SPTB: variants seen among roughly 807,000 people sequenced by gnomAD.
SPTB encodes the protein spectrin beta chain, erythrocytic.
Under a neutral mutation model 256.2 loss-of-function variants are expected in SPTB, and 45 were observed. The ratio of observed to expected loss-of-function variants is 0.18; its 90% confidence interval spans 0.14 to 0.23. The LOEUF (loss-of-function observed/expected upper bound fraction) is 0.23, where lower values mean the gene tolerates loss of function less well. Among genes scored for constraint, SPTB ranks in the 10% least tolerant of loss-of-function variants. SPTB has a pLI of 1.00. For synonymous variants in SPTB, 1,231 were observed against 1,243.1 expected, an observed-to-expected ratio of 0.99 and a Z score of 0.21; for missense variants, 2,715 against 3,040.4, an observed-to-expected ratio of 0.89 and a Z score of 2.52.
Position 64,825,019 on chromosome 14 carries a change from C to T in SPTB, c.-51-1874G>A, listed in dbSNP as rs147057052. 3.9e-5 allele frequency among the ~76,000 whole-genome samples: 6 copies of T among 152,206 alleles called. No individual in the cohort carries two copies. The highest frequency in any genetic ancestry group is 2.0e-4 in the Admixed American group (3 of 15,292). On this transcript the variant is annotated intron_variant, in intron 1 of 35. Transcript: ENST00000644917. The surrounding 1 kb of genome is among the most constrained non-coding windows in gnomAD (Gnocchi z 4.8). ...GCTGGGACCAAAGGCCAAACTGGAG[C>T]GCAGTTTATCCCCCTTGACCAGACG...
At chr14:64,799,115 ATGTT>A (rs1204827158) in intron 9 of SPTB, among the ~76,000 whole-genome samples, 16 of 151,702 alleles carry the variant, frequency 1.1e-4, no homozygotes, top group African/African-American at 1.7e-4. Flanking sequence ...TTGTGTGTGT[ATGTT>A]TGTGTGTGCA....
At chr14:64,788,103 A>G (rs760316528) in intron 15 of SPTB, among the ~76,000 whole-genome samples, 4 of 152,230 alleles carry the variant, frequency 2.6e-5, no homozygotes, top group Non-Finnish European at 5.9e-5. Flanking sequence ...ATAAAGTTTC[A>G]TGTGCACAGC....
In SPTB at chr14:64,772,844, G is replaced by A. The variant is rs575441619; in HGVS notation, c.5289C>T (p.Ser1763=). ...FIERLIDAGH[S]EAATIAEWKD... is the part of the protein sequence containing the mutation. ...TCCACTCGGCGATGGTGGCCGCCTC[G>A]CTGTGGCCCGCGTCGATGAGTCGCT... Residue 1763 remains serine, a synonymous_variant, in exon 26 of 36, where the codon AGC becomes AGT. Coordinates refer to ENST00000644917, the MANE Select transcript of SPTB (RefSeq NM_001355436.2). This position sits in a 1 kb window ranked among gnomAD's most constrained non-coding sequence, Gnocchi z 5.4. The A allele has an allele frequency of 6.4e-5, 104 of 1,613,502 alleles. No individual in the cohort carries two copies. The highest frequency in any genetic ancestry group is 2.2e-4 in the South Asian group (20 of 91,076).
chr14:64,862,599 C>T (rs563100391), intron 1 of SPTB, among the ~76,000 whole-genome samples: 4 of 152,070 alleles, frequency 2.6e-5, no homozygotes, highest in East Asian at 3.9e-4. Flanking sequence ...GTGGCCTGGG[C>T]GCGGTGCCTC....
chr14:64,791,969 C>T, intron 14 of SPTB, 113 bp from the exon 15 acceptor site: 1 of 1,433,332 alleles, frequency 7.0e-7, no homozygotes, highest in African/African-American at 1.4e-5. Context: ...CTTCCACTGC[C>T]TAAACCATTT....
intron 1 of SPTB, among the ~76,000 whole-genome samples, chr14:64,848,828 A>G (rs749029016): frequency 6.6e-5 from 10 of 152,254 alleles, no homozygotes; most frequent in Non-Finnish European, 1.5e-4. Flanking sequence ...GTTGTTTAAT[A>G]GCCACATAAT....
Position 64,801,301 on chromosome 14 carries a change from C to G in SPTB, c.747G>C (p.Pro249=), listed in dbSNP as rs751976648. 1 of 1,613,738 alleles carries G rather than the reference C, an allele frequency of 6.2e-7. No individual in the cohort carries two copies. Among genetic ancestry groups the G allele is most frequent in the East Asian group, 2.2e-5 (1 of 44,900 alleles). ...NVAERQLGII[P]LLDPEDVFTE... is the part of the protein sequence containing the mutation. ...GTGGCTCACCTTCGGGGTCGAGGAG[C>G]GGGATGATGCCCAGCTGGCGCTCAG... Residue 249 remains proline (P), a synonymous_variant, in exon 7 of 36, where the codon CCG becomes CCC. Coordinates refer to ENST00000644917, the MANE Select transcript of SPTB (RefSeq NM_001355436.2).
At chr14:64,799,087 ATG>A in intron 9 of SPTB, among the ~76,000 whole-genome samples, 1 of 150,792 alleles carries the variant, frequency 6.6e-6, no homozygotes, top group Non-Finnish European at 1.5e-5. Flanking sequence ...AGTTAGGTGT[ATG>A]TGTATGAGTG....
rs2082988194 is a variant in SPTB, at chr14:64,806,578, TC to T, written c.149-1489del. Among the ~76,000 whole-genome samples, 1 of 152,250 alleles carries T rather than the reference TC, an allele frequency of 6.6e-6. No individual in the cohort carries two copies. The highest frequency in any genetic ancestry group is 2.4e-5 in the African/African-American group (1 of 41,472). On this transcript the variant is annotated intron_variant, in intron 2 of 35. Coordinates refer to ENST00000644917, the MANE Select transcript of SPTB (RefSeq NM_001355436.2). The surrounding 1 kb of genome is among the most constrained non-coding windows in gnomAD (Gnocchi z 4.1). ...GCCTCAAGGGTAGAATCCTGGCAGT[TC>T]CTGAGGCTTGCTGCATCAGATGCCT...
rs1381766204 is a variant in SPTB at position 64,802,904 on chromosome 14, G to A, written c.475-587C>T. 6.6e-6 allele frequency among the ~76,000 whole-genome samples: 1 copy of A among 152,180 alleles called. No individual in the cohort carries two copies. Among genetic ancestry groups the A allele is most frequent in the Non-Finnish European group, 1.5e-5 (1 of 68,034 alleles). ...AGGTGCAATGCCCCTTGAGGCTGTG[G>A]AACAACATGAATGCTGATGAGTACT... On this transcript the variant is annotated intron_variant, in intron 4 of 35. Transcript: ENST00000644917. The surrounding 1 kb of genome is among the most constrained non-coding windows in gnomAD (Gnocchi z 5.1).
At chr14:64,819,467 G>A (rs965010796) in intron 2 of SPTB, among the ~76,000 whole-genome samples, 7 of 152,182 alleles carry the variant, frequency 4.6e-5, no homozygotes, top group Non-Finnish European at 1.0e-4. Flanking sequence ...TCATCCTTAC[G>A]TTTCTTGGGC....
chr14:64,754,039 G>A (rs561592007), intron 32 of SPTB: 169 of 611,780 alleles, frequency 2.8e-4, no homozygotes, highest in African/African-American at 2.5e-3. Flanking sequence ...GCTGCAGGGT[G>A]GCCCCCTCTC....
intron 24 of SPTB, 116 bp downstream of exon 24, chr14:64,774,281 C>A: frequency 7.3e-7 from 1 of 1,373,654 alleles, no homozygotes; most frequent in South Asian, 1.4e-5. Flanking sequence ...TTTCTCCAGC[C>A]CTATTTGATG....
At chr14:64,863,339 T>C (rs1014040368) in intron 1 of SPTB, among the ~76,000 whole-genome samples, 10 of 152,290 alleles carry the variant, frequency 6.6e-5, no homozygotes, top group African/African-American at 2.2e-4. Context: ...TCATAACGTT[T>C]TTTAAAAGTT....
chr14:64,822,565 C>G (rs576601031), intron 2 of SPTB, among the ~76,000 whole-genome samples: 1 of 152,050 alleles, frequency 6.6e-6, no homozygotes, highest in South Asian at 2.1e-4. Context: ...TATGGTAATT[C>G]CTCTCTCTAG....
rs1229590428 is a variant in SPTB at position 64,786,641 on chromosome 14, A to C, written c.3324T>G (p.Asp1108Glu). Residue 1108 changes from aspartate to glutamate, a missense_variant, in exon 16 of 36, where the codon GAT (aspartate) becomes GAG (glutamate). By Grantham distance (45) the Asp-to-Glu change is conservative. Coordinates refer to ENST00000644917, the MANE Select transcript of SPTB (RefSeq NM_001355436.2). This position sits in a 1 kb window ranked among gnomAD's most constrained non-coding sequence, Gnocchi z 5.6. ...QLLQQHAGIK[D>E]EIDGHQDSYQ... is the part of the protein sequence containing the mutation. ...AGCTGTCTTGGTGCCCGTCAATCTC[A>C]TCCTTGATACCTGCATGCTGCTGCA... The C allele has an allele frequency of 1.2e-6, 2 of 1,614,028 alleles. No individual in the cohort carries two copies. The highest frequency in any genetic ancestry group is 1.7e-6 in the Non-Finnish European group (2 of 1,179,974).
chr14:64,768,471 T>C (rs1274502835), intron 29 of SPTB, among the ~76,000 whole-genome samples: 1 of 120,880 alleles, frequency 8.3e-6, no homozygotes, highest in Middle Eastern at 3.4e-3. Context: ...CTGTCTCACA[T>C]GATGCTGGAT....
Position 64,775,717 on chromosome 14 carries a change from C to G in SPTB, c.4564-314G>C, listed in dbSNP as rs17767400. The stretch of plus-strand genomic sequence containing the variant: ...CCTGGCAGCCTGTGCTCTTGACTGT[C>G]CCCTATCTTCCTGTGCTTCAGCAGA... On this transcript the variant is annotated intron_variant, in intron 22 of 35. Coordinates refer to ENST00000644917, the MANE Select transcript of SPTB (RefSeq NM_001355436.2). The surrounding 1 kb of genome is among the most constrained non-coding windows in gnomAD (Gnocchi z 5.0). Among the ~76,000 whole-genome samples, 246 of 152,340 alleles carry G rather than the reference C, an allele frequency of 1.6e-3. 1 individual carries two copies. Among genetic ancestry groups the G allele is most frequent in the Non-Finnish European group, 3.1e-3 (214 of 68,032 alleles).
At chr14:64,753,034 TA>T (rs1406145224) in intron 33 of SPTB, among the ~76,000 whole-genome samples, 1 of 152,092 alleles carries the variant, frequency 6.6e-6, no homozygotes, top group African/African-American at 2.4e-5. Context: ...GGGGGGCAAC[TA>T]GGCCATGCCC....
Sources: allele counts gnomAD v4.1 joint callset (sites outside exome capture counted in the v4.1 genomes callset), GRCh38; gene constraint gnomAD v4.1.1; non-coding constraint Gnocchi (gnomAD v3.1); transcripts MANE v1.5; gene names NCBI Gene and HGNC (gene_info 2026-07-23, HGNC 2026-07-21).